The following ADAMTSL1 variants were observed in gnomAD, a reference collection of about 807,000 sequenced individuals.
ADAMTSL1 encodes the protein ADAMTS-like protein 1.
ADAMTSL1 carries 126 observed loss-of-function variants against 201.8 expected under a neutral mutation model. The ratio of observed to expected loss-of-function variants is 0.62; its 90% CI spans 0.54 to 0.72. The LOEUF (loss-of-function observed/expected upper bound fraction) is 0.72. Among genes scored for constraint, ADAMTSL1 ranks in the 30% least tolerant of loss-of-function variants. The pLI is 0.00. For synonymous variants in ADAMTSL1, 1,121 were observed against 903.4 expected, an observed-to-expected ratio of 1.24 and a Z score of -4.32; for missense variants, 2,679 against 2,277.8, an observed-to-expected ratio of 1.18 and a Z score of -3.59.
intron 1 of ADAMTSL1, among the ~76,000 whole-genome samples, chr9:18,131,991 AG>A (rs1825972439): frequency 6.6e-6 from 1 of 152,170 alleles, no homozygotes; most frequent in African/African-American, 2.4e-5. Context: ...TTGTAACATC[AG>A]TGTTAATTCC....
intron 2 of ADAMTSL1, among the ~76,000 whole-genome samples, chr9:18,258,245 C>T (rs1469782784): frequency 2.6e-5 from 4 of 151,980 alleles, no homozygotes; most frequent in African/African-American, 4.8e-5. Context: ...AAAGAACAAC[C>T]AGAGTTCCTT....
At chr9:18,904,401 A>C (rs2131616441) in intron 26 of ADAMTSL1, among the ~76,000 whole-genome samples, 1 of 152,188 alleles carries the variant, frequency 6.6e-6, no homozygotes, top group East Asian at 1.9e-4. Context: ...CCTGAGAGGC[A>C]GAGGTTGCAG....
At chr9:18,646,711 G>A (rs187508555) in intron 7 of ADAMTSL1, among the ~76,000 whole-genome samples, 6,166 of 151,884 alleles carry the variant, frequency 0.041, 167 homozygotes, top group Middle Eastern at 0.058. Flanking sequence ...TGCATATATT[G>A]AACCAGCCTT....
intron 16 of ADAMTSL1, among the ~76,000 whole-genome samples, chr9:18,761,637 C>A (rs184645530): frequency 1.3e-5 from 2 of 152,114 alleles, no homozygotes; most frequent in Admixed American, 6.6e-5. Flanking sequence ...CCTTTGGAAA[C>A]ATTTTTTTCT....
intron 4 of ADAMTSL1, among the ~76,000 whole-genome samples, chr9:18,598,747 C>A (rs1332425675): frequency 6.6e-6 from 1 of 152,148 alleles, no homozygotes; most frequent in Non-Finnish European, 1.5e-5. Context: ...CTCAGGGTGG[C>A]CAAGAGCTGG....
chr9:18,374,615 T>C (rs922465049), intron 2 of ADAMTSL1, among the ~76,000 whole-genome samples: 3 of 152,208 alleles, frequency 2.0e-5, no homozygotes, highest in Admixed American at 6.5e-5. Flanking sequence ...ATTACAAGCA[T>C]GAGTTACCAC....
chr9:18,267,036 ACAT>A (rs1364249060), intron 2 of ADAMTSL1, among the ~76,000 whole-genome samples: 2 of 152,108 alleles, frequency 1.3e-5, no homozygotes, highest in Admixed American at 1.3e-4. Context: ...ATGTTCCACA[ACAT>A]CTTGCCACTA....
intron 7 of ADAMTSL1, among the ~76,000 whole-genome samples, chr9:18,655,304 T>G (rs1828557660): frequency 1.3e-5 from 2 of 152,202 alleles, no homozygotes. Flanking sequence ...TGCAGTCAAT[T>G]GCTATGGAAA....
In ADAMTSL1 at chr9:18,436,228, G is replaced by A. The variant is rs1045086076; in HGVS notation, c.208-68601G>A. On this transcript the variant is annotated intron_variant, in intron 2 of 29. Transcript: ENST00000680146. ...AGATTGTGCAGGACTGTAAATGCTC[G>A]GGGAAGGATGTGGGGCTTGCTTTAG... is the stretch of plus-strand genomic sequence containing the variant. Among the ~76,000 whole-genome samples, 12 of 152,012 alleles carry A rather than the reference G, an allele frequency of 7.9e-5. No individual in the cohort carries two copies. The East Asian group carries it at 1.9e-3, about 24-fold the overall frequency.
chr9:18,873,686 C>T (rs950669154), intron 23 of ADAMTSL1, among the ~76,000 whole-genome samples: 1 of 152,092 alleles, frequency 6.6e-6, no homozygotes, highest in African/African-American at 2.4e-5. Context: ...CAGTACAATG[C>T]TGTTTTGGTG....
intron 1 of ADAMTSL1, among the ~76,000 whole-genome samples, chr9:17,946,418 T>C (rs1224860464): frequency 1.3e-5 from 2 of 152,164 alleles, no homozygotes; most frequent in Non-Finnish European, 2.9e-5. Flanking sequence ...ATTAAATGTA[T>C]AATTATTTCA....
At chr9:18,486,227 C>A (rs1821985509) in intron 1 of ADAMTSL1, among the ~76,000 whole-genome samples, 1 of 152,114 alleles carries the variant, frequency 6.6e-6, no homozygotes, top group South Asian at 2.1e-4. Context: ...ATTATTTTTC[C>A]CAAATTATTG....
Position 18,753,503 on chromosome 9 carries a change from C to T in ADAMTSL1, c.2212C>T (p.Gln738Ter), listed in dbSNP as rs1306958957. The part of the protein sequence containing the change: ...CPPAWYPAQW[Q>*]PCSRTCGGGV... The stretch of plus-strand genomic sequence containing the variant: ...CCCAGCCTGGTACCCTGCACAGTGG[C>T]AGCCGGTGAGTTCTGAAGTTACTCA... The change falls in exon 16 of 29, where the codon CAG becomes TAG. Residue 738 changes from glutamine to a stop codon, truncating the protein, a stop_gained. Transcript: ENST00000380548. LOFTEE classifies it high-confidence loss of function. 4.3e-6 allele frequency: 7 copies of T among 1,610,512 alleles called. No homozygotes were observed. Among genetic ancestry groups the T allele is most frequent in the Non-Finnish European group, 5.9e-6 (7 of 1,179,114 alleles).
chr9:18,811,684 T>C (rs549493812), intron 20 of ADAMTSL1, among the ~76,000 whole-genome samples: 44 of 152,182 alleles, frequency 2.9e-4, no homozygotes, highest in Non-Finnish European at 5.1e-4. Flanking sequence ...CAGGCTTCAA[T>C]TGAAACCTAG....
intron 4 of ADAMTSL1, among the ~76,000 whole-genome samples, chr9:18,601,618 G>A (rs954812090): frequency 3.3e-5 from 5 of 152,060 alleles, no homozygotes; most frequent in African/African-American, 1.2e-4. Flanking sequence ...CATAGTGCCA[G>A]GTCTGTAATT....
intron 15 of ADAMTSL1, 53 bp downstream of exon 15, chr9:18,721,718 G>T (rs1474280270): frequency 3.8e-6 from 6 of 1,575,860 alleles, no homozygotes; most frequent in Middle Eastern, 3.4e-4. Context: ...AGAACTGGGC[G>T]CATCTTTCAG....
At chr9:18,824,677 C>G (rs1358581860) in intron 21 of ADAMTSL1, among the ~76,000 whole-genome samples, 1 of 149,688 alleles carries the variant, frequency 6.7e-6, no homozygotes, top group Non-Finnish European at 1.5e-5. Context: ...ACCCCATTTC[C>G]CGGGACTTGA....
intron 2 of ADAMTSL1, among the ~76,000 whole-genome samples, chr9:18,289,610 C>T (rs1833169461): frequency 1.3e-5 from 2 of 152,266 alleles, no homozygotes; most frequent in East Asian, 3.9e-4. Context: ...TGCAATCAGC[C>T]AGAGAGGCTC....
intron 3 of ADAMTSL1, among the ~76,000 whole-genome samples, chr9:18,539,356 G>C (rs752107810): frequency 6.6e-6 from 1 of 152,090 alleles, no homozygotes; most frequent in Non-Finnish European, 1.5e-5. Context: ...TATGACGCAC[G>C]CTATCAGTAT....
Sources: allele counts gnomAD v4.1 joint callset (sites outside exome capture counted in the v4.1 genomes callset), GRCh38; gene constraint gnomAD v4.1.1; transcripts MANE v1.5; gene names NCBI Gene and HGNC (gene_info 2026-07-23, HGNC 2026-07-21).